NTN5: variants seen among roughly 807,000 people sequenced by gnomAD.
The protein encoded by NTN5 is netrin-5.
In NTN5, 42 loss-of-function variants were observed where a neutral mutation model predicts 38.7. The observed-to-expected ratio is 1.08, with a 90% confidence interval of 0.85 to 1.40. The LOEUF is 1.40. Among genes scored for constraint, NTN5 ranks in the 40% most tolerant of loss-of-function variants. NTN5 has a pLI of 0.00. For synonymous variants in NTN5, 329 were observed against 303.9 expected, an observed-to-expected ratio of 1.08 and a Z score of -0.86; for missense variants, 658 against 716.5, an observed-to-expected ratio of 0.92 and a Z score of 0.93.
intron 2 of NTN5, among the ~76,000 whole-genome samples, chr19:48,669,954 C>A (rs1304798961): frequency 4.5e-5 from 1 of 22,296 alleles, no homozygotes; most frequent in African/African-American, 3.1e-4. Context: ...ATCACCACCA[C>A]CATCACCATC....
In NTN5 at chr19:48,664,143, G is replaced by A. The variant is rs1013770125; in HGVS notation, c.970C>T (p.Arg324Ter). The A allele has an allele frequency of 7.5e-6, 12 of 1,603,934 alleles. No individual in the cohort carries two copies. Among genetic ancestry groups the A allele is most frequent in the African/African-American group, 2.7e-5 (2 of 74,888 alleles). ...TGTGGCCTGGCCCCTCAAGACTTAC[G>A]CTGGCAGGGCATCCTGGGGGAGCGG... ...QSRSPRMPCQ[R>*]IPEATTTLAT... The change falls in exon 4 of 7, where the codon CGA becomes TGA. Residue 324 changes from arginine to a stop codon, truncating the protein, a stop_gained and splice_region_variant. Transcript: ENST00000270235. LOFTEE classifies it high-confidence loss of function.
chr19:48,669,097 T>G (rs1354308957), intron 2 of NTN5, among the ~76,000 whole-genome samples: 1 of 86,104 alleles, frequency 1.2e-5, no homozygotes, highest in East Asian at 4.2e-4. Context: ...ACCACCACCA[T>G]CACCACTATC....
intron 1 of NTN5, among the ~76,000 whole-genome samples, chr19:48,672,114 A>C (rs763901934): frequency 6.6e-6 from 1 of 152,116 alleles, no homozygotes; most frequent in African/African-American, 2.4e-5. Flanking sequence ...ACCCATCCAG[A>C]GTTCCCCAGA....
rs772056979 is a variant in NTN5, at chr19:48,670,874, G to A, written c.113C>T (p.Ala38Val). 6 of 1,610,890 alleles carry A rather than the reference G, an allele frequency of 3.7e-6. No homozygotes were observed. In the East Asian group the frequency reaches 8.9e-5, roughly 24 times the overall value. The change falls in exon 2 of 7, where the codon GCC (alanine) becomes GTC (valine). Residue 38 changes from alanine (A) to valine (V), a missense_variant. Coordinates refer to ENST00000270235, the MANE Select transcript of NTN5 (RefSeq NM_145807.4). ...FCLPPVTQLA[A>V]VAASCPQACA... ...GGCCTGAGGGCAGGAGGCCGCCACG[G>A]CAGCCAGCTGTGTCACTGGCGGGAG...
intron 2 of NTN5, among the ~76,000 whole-genome samples, chr19:48,668,541 G>A (rs912955360): frequency 2.0e-5 from 3 of 152,138 alleles, no homozygotes; most frequent in African/African-American, 4.8e-5. Flanking sequence ...CACCAAGGCC[G>A]TGCTCCTGTC....
At position 48,670,616 on chromosome 19, in the gene NTN5, T is replaced by G; in HGVS notation, c.371A>C (p.His124Pro). 2 of 1,596,888 alleles carry G rather than the reference T, an allele frequency of 1.3e-6. No homozygotes were observed. Among genetic ancestry groups the G allele is most frequent in the Non-Finnish European group, 1.7e-6 (2 of 1,172,664 alleles). The change falls in exon 2 of 7, where the codon CAC becomes CCC. Residue 124 changes from histidine to proline, a missense_variant. Physicochemically the swap from His to Pro is moderately conservative, Grantham distance 77. Coordinates refer to ENST00000270235, the MANE Select transcript of NTN5 (RefSeq NM_145807.4). ...ALGGPERVTFHSTPGPKATVA... is the reference protein window; with the variant it reads ...ALGGPERVTFPSTPGPKATVA... ...AGTGGCCTTAGGACCTGGTGTGGAG[T>G]GGAAGGTCACCCTTTCAGGGCCCCC... is the stretch of plus-strand genomic sequence containing the variant.
In NTN5 at chr19:48,661,500, G is replaced by A. The variant is rs2031536026; in HGVS notation, c.*177C>T. The A allele has an allele frequency of 1.5e-6, 1 of 679,314 alleles. No individual in the cohort carries two copies. Among genetic ancestry groups the A allele is most frequent in the Non-Finnish European group, 2.2e-6 (1 of 464,730 alleles). 42.1% of individuals were successfully genotyped at this position (679,314 alleles called of 1,614,324 possible). A position where few individuals can be genotyped will look rare whatever the true frequency, so the allele number is the denominator to read the frequency against. On this transcript the variant is annotated 3_prime_UTR_variant, in exon 7 of 7. Coordinates refer to ENST00000270235, the MANE Select transcript of NTN5 (RefSeq NM_145807.4). Reference sequence around the variant, plus strand: ...AGGAAATGTTGGGACCAGAAGTCCCGCTTGCCGCCTTTTGCTAAAAGTTCC... The same window carrying A: ...AGGAAATGTTGGGACCAGAAGTCCCACTTGCCGCCTTTTGCTAAAAGTTCC...
rs1294597693 is a variant in NTN5, at chr19:48,669,755, C to T, written c.631+601G>A. 4.3e-5 allele frequency among the ~76,000 whole-genome samples: 5 copies of T among 115,040 alleles called. No individual in the cohort carries two copies. In the East Asian group the frequency reaches 1.5e-3, roughly 34 times the overall value. 75.5% of individuals were successfully genotyped at this position (115,040 alleles called of 152,430 possible). The stretch of plus-strand genomic sequence containing the variant: ...CCATCACCATCACCACCACCATCAC[C>T]ATCGTCACCACTACCATCACCATCA... On this transcript the variant is annotated intron_variant, in intron 2 of 6. Transcript: ENST00000270235.
Position 48,670,720 on chromosome 19 carries a change from G to T in NTN5, c.267C>A (p.Ala89=). The T allele has an allele frequency of 6.2e-7, 1 of 1,612,688 alleles. No homozygotes were observed. Among genetic ancestry groups the T allele is most frequent in the Non-Finnish European group, 8.5e-7 (1 of 1,179,796 alleles). Reference sequence around the variant, plus strand: ...AGGCCCAGGCAGCAGACAGGATGAGGGCTGGGGGTCCTGGGGTACAGAAGC... The same window carrying T: ...AGGCCCAGGCAGCAGACAGGATGAGTGCTGGGGGTCCTGGGGTACAGAAGC... ...SLRFCTPGPP[A]LILSAAWASG... Residue 89 remains alanine, a synonymous_variant, in exon 2 of 7, where the codon GCC becomes GCA. Coordinates refer to ENST00000270235, the MANE Select transcript of NTN5 (RefSeq NM_145807.4).
chr19:48,664,012 C>G lies in NTN5; in HGVS notation c.970+131G>C, dbSNP rs539095311. The stretch of plus-strand genomic sequence containing the variant: ...TTTCAGTCCCTGCTTATCCGAGGGC[C>G]CAGAGTCCAGCCTCCAGCCTTGGGC... On this transcript the variant is annotated intron_variant, in intron 4 of 6. Transcript: ENST00000270235. 3.1e-6 allele frequency: 4 copies of G among 1,278,578 alleles called. No homozygotes were observed. The African/African-American group carries it at 4.5e-5, about 14-fold the overall frequency. The allele number at this position is 1,278,578 out of a possible 1,614,324, so 79.2% of individuals were successfully genotyped here. A position where few individuals can be genotyped will look rare whatever the true frequency, so the allele number is the denominator to read the frequency against.
chr19:48,669,852 T>TCACCATCACCATCACCATCAC (rs2031885651), intron 2 of NTN5, among the ~76,000 whole-genome samples: 1 of 34,854 alleles, frequency 2.9e-5, no homozygotes, highest in East Asian at 6.8e-4. Context: ...ACCACTACCA[T>TCACCATCACCATCACCATCAC]CACCACCACC....
At position 48,670,339 on chromosome 19, in the gene NTN5, A is replaced by G. The variant is rs1201860909; in HGVS notation, c.631+17T>C. ...CAGGCAGGCAAAGGCAGGGAGAGTGAGGGGCGCAGGACTCACGTAGGCAAG... is the reference window on the plus strand; with the variant it reads ...CAGGCAGGCAAAGGCAGGGAGAGTGGGGGGCGCAGGACTCACGTAGGCAAG... On this transcript the variant is annotated intron_variant, in intron 2 of 6. Transcript: ENST00000270235. 1.4e-6 allele frequency: 2 copies of G among 1,389,572 alleles called. No individual in the cohort carries two copies. Among genetic ancestry groups the G allele is most frequent in the African/African-American group, 1.5e-5 (1 of 65,112 alleles). 86.1% of individuals were successfully genotyped at this position (1,389,572 alleles called of 1,614,324 possible).
At position 48,661,682 on chromosome 19, in the gene NTN5, G is replaced by T. The variant is rs756434952; in HGVS notation, c.1465C>A (p.His489Asn). 4 of 1,548,864 alleles carry T rather than the reference G, an allele frequency of 2.6e-6. No individual in the cohort carries two copies. In the South Asian group the frequency reaches 4.7e-5, roughly 18 times the overall value. Residue 489 changes from histidine to asparagine, a missense_variant, in exon 7 of 7, where the codon CAC (histidine) becomes AAC (asparagine). Coordinates refer to ENST00000270235, the MANE Select transcript of NTN5 (RefSeq NM_145807.4). Reference protein sequence around the residue: ...RAPTPSPRPEH With the variant: ...RAPTPSPRPEN ...GAGGCAGCCCCATCTCACGTCTAGT[G>T]CTCCGGCCTGGGACTGGGTGTGGGT...
chr19:48,664,874 C>A, intron 2 of NTN5, 107 bp from the exon 3 acceptor site: 1 of 971,542 alleles, frequency 1.0e-6, no homozygotes, highest in Non-Finnish European at 1.4e-6. Context: ...CGTGAGTGTC[C>A]AAGGTAGAAG....
intron 2 of NTN5, 94 bp from the exon 3 acceptor site, chr19:48,664,861 A>C: frequency 9.0e-7 from 1 of 1,108,672 alleles, no homozygotes. Context: ...CATGAAAGGA[A>C]GCCGTGAGTG....
intron 2 of NTN5, 40 bp downstream of exon 2, chr19:48,670,316 G>C: frequency 7.2e-7 from 1 of 1,382,214 alleles, no homozygotes; most frequent in South Asian, 1.7e-5. Context: ...CCCAGTGGCA[G>C]GCAGGCAAAG....
chr19:48,664,140 T>TCC lies in NTN5; in HGVS notation c.970+2_970+3insGG. On this transcript the variant is annotated splice_region_variant and intron_variant, in intron 4 of 6. Coordinates refer to ENST00000270235, the MANE Select transcript of NTN5 (RefSeq NM_145807.4). ...GCTTGTGGCCTGGCCCCTCAAGACT[T>TCC]ACGCTGGCAGGGCATCCTGGGGGAG... 1 of 1,603,010 alleles carries TCC rather than the reference T, an allele frequency of 6.2e-7. No individual in the cohort carries two copies. Among genetic ancestry groups the TCC allele is most frequent in the Non-Finnish European group, 8.5e-7 (1 of 1,175,276 alleles).
intron 2 of NTN5, among the ~76,000 whole-genome samples, chr19:48,669,891 TCAC>T (rs796936247): frequency 1.9e-5 from 1 of 51,646 alleles, no homozygotes; most frequent in Non-Finnish European, 3.8e-5. Flanking sequence ...ACCATCACCA[TCAC>T]CACCACCATC....
rs751381720 is a variant in NTN5, at chr19:48,664,620, C to G, written c.779G>C (p.Arg260Thr). ...HCHYCQPGFW[R>T]DPSQPIFSRR... The stretch of plus-strand genomic sequence containing the variant: ...GCTGAAGATAGGCTGGCTAGGGTCC[C>G]TCCAGAACCCAGGTTGGCAGTAGTG... The change falls in exon 3 of 7, where the codon AGG becomes ACG. Residue 260 changes from arginine to threonine, a missense_variant. Physicochemically the swap from Arg to Thr is moderately conservative, Grantham distance 71. Coordinates refer to ENST00000270235, the MANE Select transcript of NTN5 (RefSeq NM_145807.4). 1.2e-6 allele frequency: 2 copies of G among 1,613,580 alleles called. No homozygotes were observed. Among genetic ancestry groups the G allele is most frequent in the African/African-American group, 2.7e-5 (2 of 74,946 alleles).
Sources: allele counts gnomAD v4.1 joint callset (sites outside exome capture counted in the v4.1 genomes callset), GRCh38; gene constraint gnomAD v4.1.1; transcripts MANE v1.5; gene names NCBI Gene and HGNC (gene_info 2026-07-23, HGNC 2026-07-21).